Variants in RAB38 observed in about 807,000 individuals in gnomAD.
The protein encoded by RAB38 is ras-related protein Rab-38.
In RAB38, 15 loss-of-function variants were observed where a neutral mutation model predicts 18.4. The observed-to-expected ratio is 0.82, with a 90% CI of 0.55 to 1.26. RAB38 has a LOEUF of 1.26. Ranked by LOEUF, RAB38 falls within the 50% of genes most tolerant of loss-of-function variation. The probability of loss-of-function intolerance (pLI) is 0.00; values close to 1 mark genes in which losing one functional copy is unlikely to be tolerated. For synonymous variants in RAB38, 101 were observed against 104.4 expected, an observed-to-expected ratio of 0.97 and a Z score of 0.20; for missense variants, 294 against 267.4, an observed-to-expected ratio of 1.10 and a Z score of -0.69.
the RAB38 span, among the ~76,000 whole-genome samples, chr11:87,958,990 A>G: frequency 1.3e-5 from 2 of 152,280 alleles, no homozygotes; most frequent in African/African-American, 4.8e-5. Context: ...TAGAGAATAT[A>G]ATGAAATGAT....
chr11:88,137,950 G>C (rs1159183405), intron 2 of RAB38, among the ~76,000 whole-genome samples: 2 of 152,216 alleles, frequency 1.3e-5, no homozygotes, highest in African/African-American at 4.8e-5. Flanking sequence ...TACCCATCTA[G>C]AGAGTTAAAA....
chr11:87,899,258 T>C, the RAB38 span, among the ~76,000 whole-genome samples: 2 of 151,642 alleles, frequency 1.3e-5, no homozygotes, highest in Non-Finnish European at 3.0e-5. Flanking sequence ...TGCTATGAGC[T>C]AGTGCTCAGT....
the RAB38 span, among the ~76,000 whole-genome samples, chr11:88,033,536 G>A: frequency 8.7e-4 from 132 of 152,080 alleles, no homozygotes; most frequent in South Asian, 8.3e-4. Context: ...GTAATAGAGA[G>A]ATCCTGTGTA....
the RAB38 span, among the ~76,000 whole-genome samples, chr11:87,831,051 C>T: frequency 5.3e-5 from 8 of 152,152 alleles, no homozygotes. Context: ...AAGTGATCCA[C>T]CAGCCTTGAC....
intron 1 of RAB38, chr11:88,174,013 T>C: frequency 2.0e-6 from 2 of 985,418 alleles, no homozygotes; most frequent in Non-Finnish European, 2.4e-6. Flanking sequence ...AGTGGCTAGT[T>C]TGGGTCCAGC....
the RAB38 span, among the ~76,000 whole-genome samples, chr11:87,899,960 T>A: frequency 7.0e-6 from 1 of 142,476 alleles, no homozygotes; most frequent in Non-Finnish European, 1.5e-5. Context: ...ACTCCTTCCG[T>A]TTTTTTTTTC....
At chr11:87,929,473 G>A in the RAB38 span, among the ~76,000 whole-genome samples, 1 of 151,264 alleles carries the variant, frequency 6.6e-6, no homozygotes, top group African/African-American at 2.4e-5. Flanking sequence ...AATGGGAGTT[G>A]AATTTTAGGG....
the RAB38 span, among the ~76,000 whole-genome samples, chr11:87,953,592 A>G: frequency 6.6e-6 from 1 of 152,064 alleles, no homozygotes; most frequent in African/African-American, 2.4e-5. Flanking sequence ...ATTTATTGTT[A>G]ATCTGTTATT....
chr11:88,008,935 G>C, the RAB38 span, among the ~76,000 whole-genome samples: 1 of 152,200 alleles, frequency 6.6e-6, no homozygotes, highest in African/African-American at 2.4e-5. Flanking sequence ...GCCTCCCAAA[G>C]TGCTGGGATT....
the RAB38 span, among the ~76,000 whole-genome samples, chr11:87,930,861 A>AG: frequency 0.6 from 90,847 of 151,826 alleles, 28,096 homozygotes; most frequent in African/African-American, 0.74. Flanking sequence ...GGTTTGTCAA[A>AG]GTCAGATGGT....
At chr11:87,839,170 G>C in the RAB38 span, among the ~76,000 whole-genome samples, 1 of 152,144 alleles carries the variant, frequency 6.6e-6, no homozygotes. Context: ...AACTCCTAGT[G>C]CTTTTATTGT....
chr11:88,084,829 A>C, the RAB38 span, among the ~76,000 whole-genome samples: 1 of 151,874 alleles, frequency 6.6e-6, no homozygotes, highest in South Asian at 2.1e-4. Context: ...CCATTACCTA[A>C]TACACTGCCT....
At chr11:87,862,830 C>T in the RAB38 span, among the ~76,000 whole-genome samples, 1 of 151,686 alleles carries the variant, frequency 6.6e-6, no homozygotes, top group Non-Finnish European at 1.5e-5. Context: ...ACAAAAGTGT[C>T]TTGAACTTGA....
At chr11:87,829,256 A>T in the RAB38 span, among the ~76,000 whole-genome samples, 5 of 152,340 alleles carry the variant, frequency 3.3e-5, no homozygotes, top group South Asian at 1.0e-3. Context: ...GGGTGATGGG[A>T]TTAATCGTAC....
the RAB38 span, among the ~76,000 whole-genome samples, chr11:88,009,098 A>G: frequency 6.6e-6 from 1 of 152,232 alleles, no homozygotes; most frequent in Admixed American, 6.5e-5. Context: ...TATTAAGGAA[A>G]TATGTACAAC....
At chr11:88,057,986 G>A in the RAB38 span, among the ~76,000 whole-genome samples, 1 of 152,158 alleles carries the variant, frequency 6.6e-6, no homozygotes, top group Non-Finnish European at 1.5e-5. Flanking sequence ...CTTACCCGCA[G>A]CGCAAGTTCC....
the RAB38 span, among the ~76,000 whole-genome samples, chr11:87,809,230 T>C: frequency 2.6e-5 from 4 of 152,144 alleles, no homozygotes; most frequent in Non-Finnish European, 4.4e-5. Context: ...AAGAGCCACA[T>C]CTAAAATATA....
chr11:88,057,315 C>T, the RAB38 span, among the ~76,000 whole-genome samples: 1 of 152,156 alleles, frequency 6.6e-6, no homozygotes, highest in East Asian at 1.9e-4. Flanking sequence ...TTGAAGGCCT[C>T]ATTAGACCTG....
the RAB38 span, among the ~76,000 whole-genome samples, chr11:87,929,738 C>T: frequency 0.037 from 5,125 of 139,800 alleles, 156 homozygotes; most frequent in East Asian, 0.15. Flanking sequence ...CAACAGGCCC[C>T]GGTGTGTGAC....
Sources: gnomAD v4.1 joint callset for allele counts (sites outside exome capture counted in the v4.1 genomes callset) on GRCh38, gnomAD v4.1.1 for gene constraint, MANE v1.5 for transcripts, NCBI Gene and HGNC (gene_info 2026-07-23, HGNC 2026-07-21) for gene names.